KDM4C: variants seen among roughly 807,000 people sequenced by gnomAD.
The protein encoded by KDM4C is lysine-specific demethylase 4C.
A neutral mutation model predicts 129.3 loss-of-function variants in KDM4C; 81 were observed. That is an observed-to-expected ratio of 0.63 (90% CI 0.52 to 0.75). The LOEUF (loss-of-function observed/expected upper bound fraction) is 0.75. Ranked by LOEUF, KDM4C falls within the 30% of genes least tolerant of loss-of-function variation. The pLI is 0.00. For synonymous variants in KDM4C, 573 were observed against 456.1 expected, an observed-to-expected ratio of 1.26 and a Z score of -3.26; for missense variants, 1,457 against 1,304.0, an observed-to-expected ratio of 1.12 and a Z score of -1.81.
chr9:7,101,178 A>C (rs1024098726), intron 17 of KDM4C, among the ~76,000 whole-genome samples: 9 of 152,088 alleles, frequency 5.9e-5, no homozygotes, highest in African/African-American at 1.9e-4. Flanking sequence ...ATGCCTATTC[A>C]TGTTATTCTA....
chr9:6,852,399 C>G (rs1294811686), intron 5 of KDM4C, among the ~76,000 whole-genome samples: 1 of 152,122 alleles, frequency 6.6e-6, no homozygotes, highest in African/African-American at 2.4e-5. Context: ...GACTCCAGTT[C>G]CTTCACTCCC....
At chr9:7,052,704 G>T (rs1830311927) in intron 17 of KDM4C, among the ~76,000 whole-genome samples, 3 of 152,134 alleles carry the variant, frequency 2.0e-5, no homozygotes, top group Non-Finnish European at 4.4e-5. Context: ...GTCAGCTGGG[G>T]ATTGAAAATG....
intron 8 of KDM4C, among the ~76,000 whole-genome samples, chr9:6,967,663 G>A (rs1265103786): frequency 2.0e-5 from 3 of 152,126 alleles, no homozygotes; most frequent in African/African-American, 7.2e-5. Context: ...GCCTTCTGTT[G>A]CAATCTCTTT....
At chr9:7,121,621 T>C (rs1285743136) in intron 18 of KDM4C, among the ~76,000 whole-genome samples, 2 of 152,138 alleles carry the variant, frequency 1.3e-5, no homozygotes, top group East Asian at 3.8e-4. Flanking sequence ...TACACGTGTG[T>C]TTACATATGT....
intron 4 of KDM4C, among the ~76,000 whole-genome samples, chr9:6,818,582 G>C (rs1832526666): frequency 6.6e-6 from 1 of 152,148 alleles, no homozygotes; most frequent in South Asian, 2.1e-4. Flanking sequence ...AGATGGGAGT[G>C]GGCATATTGA....
intron 19 of KDM4C, among the ~76,000 whole-genome samples, chr9:7,130,094 G>A (rs1402855863): frequency 6.6e-6 from 1 of 152,222 alleles, no homozygotes; most frequent in East Asian, 1.9e-4. Flanking sequence ...ACTTTCACCA[G>A]CCCTGTGCAG....
At chr9:6,964,020 ACT>A (rs924241356) in intron 8 of KDM4C, among the ~76,000 whole-genome samples, 7 of 149,710 alleles carry the variant, frequency 4.7e-5, no homozygotes, top group African/African-American at 1.2e-4. Context: ...TAAGAACATA[ACT>A]CTGATGTTAA....
At chr9:6,743,934 A>C (rs1416413486) in intron 1 of KDM4C, among the ~76,000 whole-genome samples, 1 of 150,398 alleles carries the variant, frequency 6.6e-6, no homozygotes, top group African/African-American at 2.4e-5. Context: ...TTTTTTTTGA[A>C]ATAAGGTCTC....
intron 8 of KDM4C, among the ~76,000 whole-genome samples, chr9:6,962,844 A>T (rs547017441): frequency 4.3e-4 from 66 of 152,356 alleles, no homozygotes; most frequent in African/African-American, 1.5e-3. Context: ...AAAGAAATCA[A>T]CATCAAGAAT....
chr9:7,045,140 G>A (rs1291612524), intron 15 of KDM4C, among the ~76,000 whole-genome samples: 2 of 151,970 alleles, frequency 1.3e-5, no homozygotes, highest in Admixed American at 6.6e-5. Context: ...TTTTCCTCTT[G>A]TTAGATTAGT....
chr9:7,134,045 GA>G (rs1321899145), intron 19 of KDM4C, among the ~76,000 whole-genome samples: 1 of 152,182 alleles, frequency 6.6e-6, no homozygotes, highest in Non-Finnish European at 1.5e-5. Context: ...GTGTGCTCCA[GA>G]GGGCTGCCCT....
At chr9:6,868,047 TTAAAGCAGAAAACA>T (rs1227092471) in intron 5 of KDM4C, among the ~76,000 whole-genome samples, 1 of 152,046 alleles carries the variant, frequency 6.6e-6, no homozygotes, top group East Asian at 1.9e-4. Flanking sequence ...ATCTCAATAT[TTAAAGCAGAAAACA>T]TAAGGCAGAG....
At chr9:7,165,394 G>T in intron 20 of KDM4C, 37 bp downstream of exon 20, 1 of 1,605,948 alleles carries the variant, frequency 6.2e-7, no homozygotes, top group South Asian at 1.1e-5. Flanking sequence ...TGCTAAGATT[G>T]ACATGATAAG....
intron 6 of KDM4C, among the ~76,000 whole-genome samples, chr9:6,885,123 A>T (rs1415286103): frequency 6.6e-6 from 1 of 152,220 alleles, no homozygotes; most frequent in Non-Finnish European, 1.5e-5. Context: ...CACTGTTATC[A>T]ACATGTAACA....
intron 8 of KDM4C, among the ~76,000 whole-genome samples, chr9:6,912,301 C>T (rs1819471177): frequency 6.6e-6 from 1 of 152,188 alleles, no homozygotes; most frequent in South Asian, 2.1e-4. Flanking sequence ...GCTGTCACTT[C>T]TTGCAGTCAG....
At chr9:6,989,349 T>G (rs1438339762) in intron 11 of KDM4C, among the ~76,000 whole-genome samples, 2 of 152,128 alleles carry the variant, frequency 1.3e-5, no homozygotes, top group African/African-American at 4.8e-5. Flanking sequence ...GTAAGCTTGC[T>G]GGGTTCAAAC....
intron 17 of KDM4C, among the ~76,000 whole-genome samples, chr9:7,083,461 A>G (rs1235953654): frequency 3.3e-5 from 5 of 152,136 alleles, no homozygotes; most frequent in Non-Finnish European, 7.3e-5. Flanking sequence ...GAGTGTGCCT[A>G]TGCAAACCTT....
Position 6,974,044 on chromosome 9 carries a change from A to G in KDM4C, c.922-6881A>G, listed in dbSNP as rs7857411. ...GAAAAACCCAAAGAGGCTGGTGGGC[A>G]GGATACTGAATCTCACATCACTTAA... On this transcript the variant is annotated intron_variant, in intron 8 of 21. Coordinates refer to ENST00000381309, the MANE Select transcript of KDM4C (RefSeq NM_015061.6). 9.8e-3 allele frequency among the ~76,000 whole-genome samples: 1,497 copies of G among 152,334 alleles called. 22 individuals carry two copies. The highest frequency in any genetic ancestry group is 0.034 in the African/African-American group (1,426 of 41,566).
upstream of KDM4C, chr9:6,757,934 C>G (rs1818547940): frequency 1.0e-5 from 10 of 985,282 alleles, no homozygotes; most frequent in South Asian, 1.9e-4. Flanking sequence ...AGTGCGGGCC[C>G]CAGCGGTCAC....
Sources: allele counts gnomAD v4.1 joint callset (sites outside exome capture counted in the v4.1 genomes callset), GRCh38; gene constraint gnomAD v4.1.1; transcripts MANE v1.5; gene names NCBI Gene and HGNC (gene_info 2026-07-23, HGNC 2026-07-21).